FHIP1A: variants seen among roughly 807,000 people sequenced by gnomAD.
The protein encoded by FHIP1A is FHF complex subunit HOOK-interacting protein 1A.
In FHIP1A, 61 loss-of-function variants were observed where a neutral mutation model predicts 88.6. That is an observed-to-expected ratio of 0.69 (90% CI 0.56 to 0.85). The LOEUF is 0.85. FHIP1A is among the 40% of genes least tolerant of loss of function. The pLI, the probability that FHIP1A is intolerant of heterozygous loss-of-function variation, is 0.00. For missense variants in FHIP1A, 1,154 were observed against 1,273.5 expected, an observed-to-expected ratio of 0.91 and a Z score of 1.43; for synonymous variants, 478 against 496.0, an observed-to-expected ratio of 0.96 and a Z score of 0.48.
At chr4:151,602,175 A>G (rs17275584) in intron 7 of FHIP1A, among the ~76,000 whole-genome samples, 16,963 of 152,198 alleles carry the variant, frequency 0.11, 985 homozygotes, top group African/African-American at 0.13. Flanking sequence ...TAGCTGTACA[A>G]TGAGGATAGT....
intron 6 of FHIP1A, 75 bp downstream of exon 6, chr4:151,586,874 A>G: frequency 8.7e-7 from 1 of 1,147,820 alleles, no homozygotes; most frequent in Non-Finnish European, 1.2e-6. Flanking sequence ...ATTAATTTTA[A>G]AACGTTCATT....
intron 7 of FHIP1A, among the ~76,000 whole-genome samples, chr4:151,592,665 C>T (rs188879755): frequency 1.3e-5 from 2 of 152,038 alleles, no homozygotes; most frequent in African/African-American, 4.8e-5. Context: ...GATATTAGCC[C>T]TTTGTCAGAT....
chr4:151,551,638 C>A (rs62329089), intron 3 of FHIP1A, among the ~76,000 whole-genome samples: 49,190 of 151,744 alleles, frequency 0.32, 7,999 homozygotes, highest in Non-Finnish European at 0.34. Context: ...CATATGTAGA[C>A]AGCTGAAACT....
At chr4:151,446,855 A>G (rs1195920429) in intron 1 of FHIP1A, among the ~76,000 whole-genome samples, 2 of 152,252 alleles carry the variant, frequency 1.3e-5, no homozygotes, top group Admixed American at 6.5e-5. Flanking sequence ...TTTTGGAGGT[A>G]TCAGTCCACA....
At chr4:151,437,898 T>TTAA (rs1728261018) in intron 1 of FHIP1A, among the ~76,000 whole-genome samples, 2 of 152,320 alleles carry the variant, frequency 1.3e-5, no homozygotes, top group East Asian at 3.9e-4. Context: ...AAAGGAAACT[T>TTAA]CTTTTTTTAG....
intron 3 of FHIP1A, among the ~76,000 whole-genome samples, chr4:151,485,038 A>G (rs1021910569): frequency 4.6e-5 from 7 of 152,196 alleles, no homozygotes; most frequent in Non-Finnish European, 1.0e-4. Flanking sequence ...GTTTTAGTAA[A>G]TAACACAAAA....
Position 151,650,152 on chromosome 4 carries a change from C to T in FHIP1A, c.2111C>T (p.Pro704Leu), listed in dbSNP as rs1022809832. ...GAGTGGAATAGGGACAATTCAGACC[C>T]GTTTCACAGTGAGCCCAAGGAGCCA... Reference protein sequence around the residue: ...EEEWNRDNSDPFHSEPKEPKQ... With the variant: ...EEEWNRDNSDLFHSEPKEPKQ... The change falls in exon 11 of 14, where the codon CCG becomes CTG. Residue 704 changes from proline to leucine, a missense_variant. Physicochemically the swap from Pro to Leu is moderately conservative, Grantham distance 98. Transcript: ENST00000435205. 43 of 1,551,562 alleles carry T rather than the reference C, an allele frequency of 2.8e-5. No homozygotes were observed. The highest frequency in any genetic ancestry group is 1.7e-5 in the Non-Finnish European group (19 of 1,146,996).
chr4:151,589,228 C>A (rs1734335283), intron 7 of FHIP1A, among the ~76,000 whole-genome samples: 1 of 152,174 alleles, frequency 6.6e-6, no homozygotes, highest in South Asian at 2.1e-4. Context: ...CAACTTGGAA[C>A]TGTCAAGATG....
intron 4 of FHIP1A, among the ~76,000 whole-genome samples, chr4:151,573,402 TA>T (rs1733670216): frequency 6.6e-6 from 1 of 152,210 alleles, no homozygotes; most frequent in Non-Finnish European, 1.5e-5. Flanking sequence ...CTGGTTTACT[TA>T]ATTAATGAGC....
chr4:151,577,557 G>A lies in FHIP1A; in HGVS notation c.213G>A (p.Met71Ile). 1 of 1,551,866 alleles carries A rather than the reference G, an allele frequency of 6.4e-7. No homozygotes were observed. The highest frequency in any genetic ancestry group is 8.7e-7 in the Non-Finnish European group (1 of 1,147,024). ...CCGTGCAGAATTACGTAGAACACAT[G>A]CTCTTCTTGTTGATTGAAGAGCAAG... Reference protein sequence around the residue: ...ASAVQNYVEHMLFLLIEEQAK... With the variant: ...ASAVQNYVEHILFLLIEEQAK... Residue 71 changes from methionine to isoleucine, a missense_variant, in exon 5 of 14, where the codon ATG becomes ATA. Physicochemically the swap from Met to Ile is conservative, Grantham distance 10. Coordinates refer to ENST00000435205, the MANE Select transcript of FHIP1A (RefSeq NM_001109977.3).
rs1688985197 is a variant in FHIP1A, at chr4:151,662,837, A to G, written c.*83A>G. ...GAATGTTAAATGCAAAGCTGCTTAC[A>G]AAGATTTCTACTTTAATGTTTCCTG... On this transcript the variant is annotated 3_prime_UTR_variant, in exon 14 of 14. Transcript: ENST00000435205. 2 of 1,244,052 alleles carry G rather than the reference A, an allele frequency of 1.6e-6. No homozygotes were observed. Among genetic ancestry groups the G allele is most frequent in the African/African-American group, 1.5e-5 (1 of 64,714 alleles). The allele number at this position is 1,244,052 out of a possible 1,614,324, so 77.1% of individuals were successfully genotyped here. A position where few individuals can be genotyped will look rare whatever the true frequency, so the allele number is the denominator to read the frequency against.
intron 7 of FHIP1A, among the ~76,000 whole-genome samples, chr4:151,616,430 A>T (rs11932864): frequency 0.25 from 33,764 of 136,052 alleles, 4,757 homozygotes; most frequent in Non-Finnish European, 0.3. Context: ...AGACAAATAT[A>T]TCTTTCTTTC....
intron 3 of FHIP1A, among the ~76,000 whole-genome samples, chr4:151,550,029 A>G (rs994028500): frequency 2.0e-5 from 3 of 152,140 alleles, no homozygotes; most frequent in Non-Finnish European, 4.4e-5. Context: ...GAGTGACAGG[A>G]TGATTTTTCT....
At position 151,629,764 on chromosome 4, in the gene FHIP1A, C is replaced by T. The variant is rs946524608; in HGVS notation, c.1041C>T (p.Ser347=). 7.1e-6 allele frequency: 11 copies of T among 1,551,286 alleles called. No individual in the cohort carries two copies. The highest frequency in any genetic ancestry group is 4.9e-5 in the East Asian group (2 of 40,922). ...TGGACCTTTTCCTGCGTAGCATCTC[C>T]GAGCCAGCACTACTTGAGATCTTCC... The part of the protein sequence containing the change: ...AYLDLFLRSI[S]EPALLEIFLR... Residue 347 remains serine (S), a synonymous_variant, in exon 8 of 14, where the codon TCC becomes TCT. Transcript: ENST00000435205.
chr4:151,413,142 A>C (rs922500364), intron 1 of FHIP1A, among the ~76,000 whole-genome samples: 1 of 152,254 alleles, frequency 6.6e-6, no homozygotes, highest in Admixed American at 6.5e-5. Context: ...GTGCAATAAA[A>C]TTGAAGTAAC....
intron 3 of FHIP1A, among the ~76,000 whole-genome samples, chr4:151,494,035 TC>T (rs1452051809): frequency 2.2e-4 from 33 of 152,206 alleles, no homozygotes; most frequent in African/African-American, 7.5e-4. Flanking sequence ...AGTCAAATTG[TC>T]CCTGTTTACT....
chr4:151,469,929 T>C (rs1351424784), intron 2 of FHIP1A, among the ~76,000 whole-genome samples: 4 of 152,182 alleles, frequency 2.6e-5, no homozygotes, highest in Non-Finnish European at 5.9e-5. Context: ...CTAGTGCCCT[T>C]GTAACTTACA....
At position 151,488,829 on chromosome 4, in the gene FHIP1A, A is replaced by G. The variant is rs1464855270; in HGVS notation, c.-123+6181A>G. Among the ~76,000 whole-genome samples the G allele has an allele frequency of 3.3e-5, 5 of 152,240 alleles. No homozygotes were observed. The East Asian group carries it at 9.6e-4, about 29-fold the overall frequency. Reference sequence around the variant, plus strand: ...TATTCAATATTGATCATATGAAAGGACAAATGAATATTTAAATGAGCCAAC... The same window carrying G: ...TATTCAATATTGATCATATGAAAGGGCAAATGAATATTTAAATGAGCCAAC... On this transcript the variant is annotated intron_variant, in intron 3 of 13. Coordinates refer to ENST00000435205, the MANE Select transcript of FHIP1A (RefSeq NM_001109977.3).
rs1214830843 is a variant in FHIP1A at position 151,437,782 on chromosome 4, A to G, written c.-355-16919A>G. Among the ~76,000 whole-genome samples the G allele has an allele frequency of 2.0e-5, 3 of 152,202 alleles. No individual in the cohort carries two copies. In the South Asian group the frequency reaches 6.2e-4, roughly 31 times the overall value. ...CCTTCTAATAATACTGAGAAAGCCT[A>G]TTGAAATGAAGATGAACCTCATTAA... On this transcript the variant is annotated intron_variant, in intron 1 of 13. Coordinates refer to ENST00000435205, the MANE Select transcript of FHIP1A (RefSeq NM_001109977.3).
Sources: allele counts gnomAD v4.1 joint callset (sites outside exome capture counted in the v4.1 genomes callset), GRCh38; gene constraint gnomAD v4.1.1; transcripts MANE v1.5; gene names NCBI Gene and HGNC (gene_info 2026-07-23, HGNC 2026-07-21).